CRYBG3: variants seen among roughly 807,000 people sequenced by gnomAD.
CRYBG3 encodes the protein very large A-kinase anchor protein.
In CRYBG3, 127 loss-of-function variants were observed where a neutral mutation model predicts 244.2. That is an observed-to-expected ratio of 0.52 (90% CI 0.45 to 0.60). The LOEUF (loss-of-function observed/expected upper bound fraction) is 0.60, where lower values mean the gene tolerates loss of function less well. Among genes scored for constraint, CRYBG3 ranks in the 20% least tolerant of loss-of-function variants. The probability of loss-of-function intolerance (pLI) is 0.00; values close to 1 mark genes in which losing one functional copy is unlikely to be tolerated. For synonymous variants in CRYBG3, 1,132 were observed against 1,195.8 expected (o/e 0.95, Z 1.10); for missense variants, 3,325 against 3,442.5 (o/e 0.97, Z 0.85).
intron 3 of CRYBG3, among the ~76,000 whole-genome samples, chr3:97,868,228 G>T (rs1050243029): frequency 4.0e-5 from 6 of 149,866 alleles, no homozygotes; most frequent in Non-Finnish European, 8.8e-5. Flanking sequence ...AGCTTGCAGT[G>T]AGCCGAGATA....
intron 2 of CRYBG3, among the ~76,000 whole-genome samples, chr3:97,849,662 A>T (rs2038956068): frequency 6.6e-6 from 1 of 152,204 alleles, no homozygotes; most frequent in Non-Finnish European, 1.5e-5. Context: ...ATGTTCCTAC[A>T]TTGCGGTATG....
chr3:97,859,816 A>G (rs768698543), intron 2 of CRYBG3, among the ~76,000 whole-genome samples: 31 of 152,170 alleles, frequency 2.0e-4, no homozygotes, highest in Middle Eastern at 6.8e-3. Context: ...TCTCCTTGCC[A>G]CTTTACTTGG....
intron 2 of CRYBG3, among the ~76,000 whole-genome samples, chr3:97,845,293 C>T (rs1305998386): frequency 6.6e-6 from 1 of 152,056 alleles, no homozygotes; most frequent in South Asian, 2.1e-4. Flanking sequence ...TTGTTGGTTG[C>T]AAGACAAGTT....
At chr3:97,905,519 T>C (rs991729623) in intron 15 of CRYBG3, among the ~76,000 whole-genome samples, 1 of 152,186 alleles carries the variant, frequency 6.6e-6, no homozygotes, top group African/African-American at 2.4e-5. Context: ...TTTTCATGTG[T>C]GTTTTGGCTG....
chr3:97,926,182 C>A (rs1270792695), intron 17 of CRYBG3, among the ~76,000 whole-genome samples: 5 of 152,054 alleles, frequency 3.3e-5, no homozygotes. Flanking sequence ...AAAGTACTGG[C>A]AAACTGAATC....
chr3:97,908,127 T>G (rs1196066412), intron 15 of CRYBG3, among the ~76,000 whole-genome samples: 2 of 152,244 alleles, frequency 1.3e-5, no homozygotes, highest in Admixed American at 6.5e-5. Flanking sequence ...TGTTATTATT[T>G]CTATTCTTTT....
intron 1 of CRYBG3, among the ~76,000 whole-genome samples, chr3:97,839,805 G>C (rs1031448018): frequency 6.6e-6 from 1 of 150,498 alleles, no homozygotes; most frequent in South Asian, 2.1e-4. Context: ...GTCTGGTCTC[G>C]AACTCTTAAT....
At chr3:97,920,049 T>G (rs1353347490) in intron 17 of CRYBG3, among the ~76,000 whole-genome samples, 6 of 151,992 alleles carry the variant, frequency 3.9e-5, no homozygotes, top group Middle Eastern at 3.2e-3. Context: ...GGATTACAGG[T>G]ACAAACCACT....
intron 17 of CRYBG3, among the ~76,000 whole-genome samples, chr3:97,918,376 T>C (rs932004964): frequency 6.6e-6 from 1 of 152,202 alleles, no homozygotes; most frequent in Non-Finnish European, 1.5e-5. Context: ...TTATAGTGAA[T>C]GGAGCTAGGA....
intron 2 of CRYBG3, among the ~76,000 whole-genome samples, chr3:97,863,278 G>A (rs2039176778): frequency 6.6e-6 from 1 of 152,096 alleles, no homozygotes; most frequent in Admixed American, 6.6e-5. Flanking sequence ...GGCAGGGTGA[G>A]TTGGCTCATG....
At position 97,902,738 on chromosome 3, in the gene CRYBG3, T is replaced by C. The variant is rs73138873; in HGVS notation, c.8004+2253T>C. Among the ~76,000 whole-genome samples, 568 of 152,246 alleles carry C rather than the reference T, an allele frequency of 3.7e-3. 2 individuals carry two copies. Among genetic ancestry groups the C allele is most frequent in the Middle Eastern group, 6.8e-3 (2 of 294 alleles). On this transcript the variant is annotated intron_variant, in intron 15 of 21. Transcript: ENST00000389622. ...ACCTTTTATTGAGAAGATTTTTTTT[T>C]CCTGAAGACTGAAGGTTGGTCGCTA...
chr3:97,823,787 T>G (rs1324653001), intron 1 of CRYBG3, among the ~76,000 whole-genome samples: 1 of 152,168 alleles, frequency 6.6e-6, no homozygotes, highest in African/African-American at 2.4e-5. Context: ...TGAGAGTCAG[T>G]GTTAGAAAGG....
At chr3:97,856,312 G>A (rs2039063525) in intron 2 of CRYBG3, among the ~76,000 whole-genome samples, 1 of 152,134 alleles carries the variant, frequency 6.6e-6, no homozygotes, top group Non-Finnish European at 1.5e-5. Flanking sequence ...TTTTCAAGGT[G>A]CCCAGATTTC....
intron 7 of CRYBG3, among the ~76,000 whole-genome samples, chr3:97,882,174 A>C (rs2039456320): frequency 6.6e-6 from 1 of 151,722 alleles, no homozygotes; most frequent in Non-Finnish European, 1.5e-5. Context: ...ATGCCACTGC[A>C]CTCAGCCTGG....
At chr3:97,889,737 A>G (rs2039553211) in intron 10 of CRYBG3, among the ~76,000 whole-genome samples, 1 of 152,172 alleles carries the variant, frequency 6.6e-6, no homozygotes, top group South Asian at 2.1e-4. Flanking sequence ...TCTAGCGGGC[A>G]TTTGGGAGTG....
chr3:97,919,179 C>G (rs1000472187), intron 17 of CRYBG3, among the ~76,000 whole-genome samples: 12 of 152,082 alleles, frequency 7.9e-5, no homozygotes, highest in Non-Finnish European at 1.3e-4. Context: ...TTTTTAGTGA[C>G]AGTCTGGAGG....
At chr3:97,887,221 A>T (rs2039519045) in intron 8 of CRYBG3, among the ~76,000 whole-genome samples, 1 of 152,146 alleles carries the variant, frequency 6.6e-6, no homozygotes, top group Admixed American at 6.6e-5. Flanking sequence ...ACTAGCCGGT[A>T]AGCATGGATT....
intron 14 of CRYBG3, 68 bp downstream of exon 14, chr3:97,899,331 A>C (rs1679511566): frequency 4.6e-6 from 7 of 1,510,292 alleles, no homozygotes; most frequent in African/African-American, 1.4e-5. Flanking sequence ...TGTGGAAAAC[A>C]CTTTTTAAAA....
intron 17 of CRYBG3, among the ~76,000 whole-genome samples, chr3:97,930,541 A>G (rs1020264538): frequency 6.6e-5 from 10 of 152,016 alleles, no homozygotes; most frequent in Non-Finnish European, 1.3e-4. Flanking sequence ...AGTGGTGTCT[A>G]CTGAGGGAAA....
Sources: allele counts gnomAD v4.1 joint callset (sites outside exome capture counted in the v4.1 genomes callset), GRCh38; gene constraint gnomAD v4.1.1; transcripts MANE v1.5; gene names NCBI Gene and HGNC (gene_info 2026-07-23, HGNC 2026-07-21).